PRKCH: variants seen among roughly 807,000 people sequenced by gnomAD.
PRKCH encodes the protein protein kinase C eta.
In PRKCH, 28 loss-of-function variants were observed where a neutral mutation model predicts 82.5. That is an observed-to-expected ratio of 0.34 (90% confidence interval 0.25 to 0.47). The LOEUF (loss-of-function observed/expected upper bound fraction) is 0.47. PRKCH is among the 20% of genes least tolerant of loss of function. PRKCH has a pLI of 1.00. For missense variants in PRKCH, 705 were observed against 881.8 expected (o/e 0.80, Z 2.54); for synonymous variants, 322 against 327.4 (o/e 0.98, Z 0.18).
chr14:61,411,975 C>T (rs955661182), intron 2 of PRKCH, among the ~76,000 whole-genome samples: 1 of 152,206 alleles, frequency 6.6e-6, no homozygotes, highest in Non-Finnish European at 1.5e-5. Flanking sequence ...AAGGGCCTTG[C>T]TTGCTTAGTG....
chr14:61,279,883 T>TC, intron 1 of PRKCH: 2 of 577,172 alleles, frequency 3.5e-6, no homozygotes, highest in Non-Finnish European at 3.1e-6. Flanking sequence ...CAAGGATGTT[T>TC]CACTCTGCAG....
At chr14:61,536,613 A>G (rs80036629) in intron 12 of PRKCH, among the ~76,000 whole-genome samples, 2,235 of 152,218 alleles carry the variant, frequency 0.015, 19 homozygotes, top group Non-Finnish European at 0.019. Context: ...TTATTATTCT[A>G]TATCTGGGGA....
intron 1 of PRKCH, among the ~76,000 whole-genome samples, chr14:61,333,904 C>G (rs553332561): frequency 2.5e-4 from 38 of 152,222 alleles, no homozygotes; most frequent in African/African-American, 3.4e-4. Context: ...ATTGGTGAGG[C>G]CTGCCTGATC....
At chr14:61,544,904 A>G (rs1398637746) in intron 12 of PRKCH, among the ~76,000 whole-genome samples, 2 of 152,158 alleles carry the variant, frequency 1.3e-5, no homozygotes, top group Non-Finnish European at 2.9e-5. Context: ...ACGGCCCTCT[A>G]GAATGTGCTT....
intron 1 of PRKCH, among the ~76,000 whole-genome samples, chr14:61,310,685 A>G (rs1459873241): frequency 6.6e-6 from 1 of 152,170 alleles, no homozygotes; most frequent in Admixed American, 6.5e-5. Context: ...CCCTTTTCTC[A>G]CAGCTCCACT....
At position 61,519,968 on chromosome 14, in the gene PRKCH, T is replaced by C. The variant is rs189071519; in HGVS notation, c.1434-9107T>C. Among the ~76,000 whole-genome samples, 514 of 152,046 alleles carry C rather than the reference T, an allele frequency of 3.4e-3. 5 individuals carry two copies. The highest frequency in any genetic ancestry group is 6.2e-3 in the Non-Finnish European group (424 of 67,966). ...GCAAACAGGATGTTTTTTTCCAACA[T>C]TCCCTTGGAGCCTGGGTTCCAAAAG... On this transcript the variant is annotated intron_variant, in intron 10 of 13. Coordinates refer to ENST00000332981, the MANE Select transcript of PRKCH (RefSeq NM_006255.5).
intron 9 of PRKCH, among the ~76,000 whole-genome samples, chr14:61,480,656 A>G (rs991325132): frequency 3.3e-5 from 5 of 152,200 alleles, no homozygotes; most frequent in African/African-American, 1.2e-4. Context: ...CACTGGGCTT[A>G]TAATTCTAGT....
chr14:61,188,347 A>G (rs577410249), intron 1 of PRKCH, among the ~76,000 whole-genome samples: 1 of 152,138 alleles, frequency 6.6e-6, no homozygotes, highest in South Asian at 2.1e-4. Context: ...ATGCAGGCTC[A>G]GCTTCTGCCC....
At chr14:61,236,541 C>A (rs1471506869) in intron 1 of PRKCH, among the ~76,000 whole-genome samples, 1 of 151,802 alleles carries the variant, frequency 6.6e-6, no homozygotes, top group Non-Finnish European at 1.5e-5. Context: ...AACCCTGTCT[C>A]TACTAGGAAT....
intron 1 of PRKCH, chr14:61,348,156 A>T (rs1285440071): frequency 6.6e-6 from 1 of 152,258 alleles, no homozygotes; most frequent in Non-Finnish European, 1.5e-5. Context: ...CTCCAGACAG[A>T]TGAGTACAGT....
intron 6 of PRKCH, 87 bp downstream of exon 6, chr14:61,451,058 C>G: frequency 1.4e-6 from 2 of 1,441,710 alleles, no homozygotes; most frequent in African/African-American, 1.4e-5. Context: ...AGAATCTGTC[C>G]TAGAACTGAT....
Position 61,213,926 on chromosome 14 carries a change from C to T in PRKCH, c.-19+26258C>T, listed in dbSNP as rs183022669. Among the ~76,000 whole-genome samples the T allele has an allele frequency of 1.1e-3, 160 of 152,264 alleles. 2 individuals carry two copies. The South Asian group carries it at 0.012, about 12-fold the overall frequency. ...GGATACTACAGGAAACAAGCCAGAC[C>T]CAGACCCTGCTCTCTGGGAACTTAT... On this transcript the variant is annotated intron_variant, in intron 1 of 3. Transcript: ENST00000555185.
intron 13 of PRKCH, among the ~76,000 whole-genome samples, chr14:61,548,354 A>T (rs1341739594): frequency 6.6e-6 from 1 of 152,224 alleles, no homozygotes; most frequent in African/African-American, 2.4e-5. Context: ...GGTCTGTAAT[A>T]GCTGCTGCAG....
At chr14:61,467,385 G>A (rs958020395) in intron 9 of PRKCH, among the ~76,000 whole-genome samples, 4 of 152,238 alleles carry the variant, frequency 2.6e-5, no homozygotes, top group African/African-American at 9.6e-5. Context: ...GCTGCAGCCT[G>A]CCCTGTCCAG....
intron 1 of PRKCH, among the ~76,000 whole-genome samples, chr14:61,367,615 G>A (rs2046313154): frequency 6.6e-6 from 1 of 151,884 alleles, no homozygotes; most frequent in Non-Finnish European, 1.5e-5. Context: ...AATCATTCTA[G>A]AAGGAAAGAG....
intron 1 of PRKCH, among the ~76,000 whole-genome samples, chr14:61,196,755 C>G (rs2044445379): frequency 6.6e-6 from 1 of 152,156 alleles, no homozygotes; most frequent in South Asian, 2.1e-4. Flanking sequence ...GAACAACAGA[C>G]AGGACTCATG....
chr14:61,300,989 C>A (rs988583060), intron 1 of PRKCH, among the ~76,000 whole-genome samples: 1 of 152,188 alleles, frequency 6.6e-6, no homozygotes, highest in African/African-American at 2.4e-5. Context: ...CTATGTAAAT[C>A]AGACACCACC....
At position 61,497,900 on chromosome 14, in the gene PRKCH, ACAT is replaced by A. The variant is rs570747001; in HGVS notation, c.1433+12247_1433+12249del. On this transcript the variant is annotated intron_variant, in intron 10 of 13. Transcript: ENST00000332981. ...TAATTACAGGAGGATAAACACCAGC[ACAT>A]CAACAGTTGTTGTCTGAGGTAATAT... Among the ~76,000 whole-genome samples, 18 of 152,290 alleles carry A rather than the reference ACAT, an allele frequency of 1.2e-4. No individual in the cohort carries two copies. The South Asian group carries it at 3.7e-3, about 32-fold the overall frequency.
At chr14:61,310,367 T>G (rs1369497780) in intron 1 of PRKCH, among the ~76,000 whole-genome samples, 1 of 152,126 alleles carries the variant, frequency 6.6e-6, no homozygotes, top group Non-Finnish European at 1.5e-5. Flanking sequence ...GTACACCCAT[T>G]CCAAATAGGA....
Sources: allele counts gnomAD v4.1 joint callset (sites outside exome capture counted in the v4.1 genomes callset), GRCh38; gene constraint gnomAD v4.1.1; transcripts MANE v1.5; gene names NCBI Gene and HGNC (gene_info 2026-07-23, HGNC 2026-07-21).